The following ELMO1 variants were observed in gnomAD, a reference collection of about 807,000 sequenced individuals.
ELMO1 encodes engulfment and cell motility protein 1.
Under a neutral mutation model 98.9 loss-of-function variants are expected in ELMO1, and 26 were observed. That is an observed-to-expected ratio of 0.26 (90% CI 0.19 to 0.36). The LOEUF is 0.36. Among genes scored for constraint, ELMO1 ranks in the 10% least tolerant of loss-of-function variants. The pLI, the probability that ELMO1 is intolerant of heterozygous loss-of-function variation, is 1.00. For synonymous variants in ELMO1, 346 were observed against 346.0 expected (o/e 1.00, Z 0.00); for missense variants, 627 against 935.2 (o/e 0.67, Z 4.30).
At chr7:37,363,786 G>A (rs1013783712) in intron 1 of ELMO1, among the ~76,000 whole-genome samples, 3 of 152,120 alleles carry the variant, frequency 2.0e-5, no homozygotes, top group East Asian at 1.9e-4. Flanking sequence ...CAGAAATCAC[G>A]TGACCATAAG....
intron 14 of ELMO1, among the ~76,000 whole-genome samples, chr7:37,099,431 C>T (rs74650544): frequency 0.015 from 2,243 of 152,266 alleles, 73 homozygotes; most frequent in African/African-American, 0.051. Context: ...CCATGTCCAT[C>T]GGAGACATTT....
rs200358495 is a variant in ELMO1, at chr7:37,295,814, AG to A, written c.192+19035del. On this transcript the variant is annotated intron_variant, in intron 4 of 21. Coordinates refer to ENST00000310758, the MANE Select transcript of ELMO1 (RefSeq NM_014800.11). Reference sequence around the variant, plus strand: ...AGGTTTGTCAATGTATATTTTATTAAGGTAATAGGCAGGAATAATAAGACTT... The same window carrying A: ...AGGTTTGTCAATGTATATTTTATTAAGTAATAGGCAGGAATAATAAGACTT... 7.2e-5 allele frequency among the ~76,000 whole-genome samples: 11 copies of A among 152,320 alleles called. No individual in the cohort carries two copies. In the East Asian group the frequency reaches 2.1e-3, roughly 29 times the overall value.
At chr7:37,136,788 T>C (rs1452172739) in intron 13 of ELMO1, among the ~76,000 whole-genome samples, 2 of 150,764 alleles carry the variant, frequency 1.3e-5, no homozygotes, top group African/African-American at 2.4e-5. Flanking sequence ...TTAAAGCATA[T>C]ATCTCAGAGG....
chr7:37,353,841 G>A (rs942569472), intron 1 of ELMO1, among the ~76,000 whole-genome samples: 2 of 152,136 alleles, frequency 1.3e-5, no homozygotes, highest in East Asian at 1.9e-4. Context: ...ATCCTTTAGC[G>A]AGACACAAAA....
chr7:36,855,487 C>T lies in ELMO1; in HGVS notation c.*64G>A, dbSNP rs1186553836. 1.9e-6 allele frequency: 3 copies of T among 1,601,662 alleles called. No homozygotes were observed. The highest frequency in any genetic ancestry group is 2.6e-6 in the Non-Finnish European group (3 of 1,171,082). The stretch of plus-strand genomic sequence containing the variant: ...CGGTTCCAAGGCGTGGGTGTGTTTT[C>T]ATTCCTCTCTCCTGTTAGCTAGGTG... On this transcript the variant is annotated 3_prime_UTR_variant, in exon 22 of 22. Coordinates refer to ENST00000310758, the MANE Select transcript of ELMO1 (RefSeq NM_014800.11). This position sits in a 1 kb window ranked among gnomAD's most constrained non-coding sequence, Gnocchi z 4.2.
chr7:37,037,539 C>T (rs1243261400), intron 15 of ELMO1, among the ~76,000 whole-genome samples: 2 of 152,170 alleles, frequency 1.3e-5, no homozygotes. Flanking sequence ...CATCGGAAGG[C>T]CTGAGCACAC....
Position 37,155,138 on chromosome 7 carries a change from T to A in ELMO1, c.1087-21904A>T, listed in dbSNP as rs566032132. Reference sequence around the variant, plus strand: ...GATTTTGTCACCACCAGGCCTGCCTTACAAGAGCTCCTAAAGGAAGCACTA... The same window carrying A: ...GATTTTGTCACCACCAGGCCTGCCTAACAAGAGCTCCTAAAGGAAGCACTA... On this transcript the variant is annotated intron_variant, in intron 13 of 21. Coordinates refer to ENST00000310758, the MANE Select transcript of ELMO1 (RefSeq NM_014800.11). 1.9e-3 allele frequency among the ~76,000 whole-genome samples: 287 copies of A among 152,308 alleles called. 2 individuals are homozygous for A. The highest frequency in any genetic ancestry group is 6.7e-3 in the African/African-American group (278 of 41,562).
At chr7:37,363,324 C>A (rs1053544446) in intron 1 of ELMO1, among the ~76,000 whole-genome samples, 1 of 152,160 alleles carries the variant, frequency 6.6e-6, no homozygotes, top group Admixed American at 6.5e-5. Context: ...CTCTACATAG[C>A]CACCAAAGTC....
intron 2 of ELMO1, among the ~76,000 whole-genome samples, chr7:37,316,988 C>T (rs755393349): frequency 4.6e-5 from 7 of 152,080 alleles, no homozygotes; most frequent in Non-Finnish European, 1.0e-4. Flanking sequence ...ATTTGCTGAA[C>T]CCCAGTTAGT....
At chr7:37,323,128 C>T (rs1174641868) in intron 2 of ELMO1, among the ~76,000 whole-genome samples, 1 of 152,166 alleles carries the variant, frequency 6.6e-6, no homozygotes, top group African/African-American at 2.4e-5. Context: ...AGTCTTTCTT[C>T]ACTTTATAGT....
At chr7:37,205,988 G>T (rs1446739518) in intron 13 of ELMO1, among the ~76,000 whole-genome samples, 2 of 152,098 alleles carry the variant, frequency 1.3e-5, no homozygotes, top group Non-Finnish European at 2.9e-5. Flanking sequence ...ATGACCTGCA[G>T]TTTCCCAAGC....
Position 37,161,909 on chromosome 7 carries a change from T to A in ELMO1, c.1087-28675A>T, listed in dbSNP as rs368130265. ...TAGAAAGCCTTCAGGTAATCAAATATATATATATATATATATATATATATA... is the reference window on the plus strand; with the variant it reads ...TAGAAAGCCTTCAGGTAATCAAATAAATATATATATATATATATATATATA... On this transcript the variant is annotated intron_variant, in intron 13 of 21. Coordinates refer to ENST00000310758, the MANE Select transcript of ELMO1 (RefSeq NM_014800.11). Among the ~76,000 whole-genome samples, 34 of 73,810 alleles carry A rather than the reference T, an allele frequency of 4.6e-4. 1 individual carries two copies. Among genetic ancestry groups the A allele is most frequent in the African/African-American group, 1.1e-3 (28 of 25,288 alleles). The allele number at this position is 73,810 out of a possible 152,430, so 48.4% of individuals were successfully genotyped here. A position where few individuals can be genotyped will look rare whatever the true frequency, so the allele number is the denominator to read the frequency against.
chr7:37,192,497 CA>C lies in ELMO1; in HGVS notation c.1086+18888del, dbSNP rs535794727. 6.3e-3 allele frequency among the ~76,000 whole-genome samples: 656 copies of C among 104,396 alleles called. 8 individuals are homozygous for C. The highest frequency in any genetic ancestry group is 0.023 in the African/African-American group (591 of 25,876). 68.5% of individuals were successfully genotyped at this position (104,396 alleles called of 152,430 possible). A position where few individuals can be genotyped will look rare whatever the true frequency, so the allele number is the denominator to read the frequency against. The stretch of plus-strand genomic sequence containing the variant: ...CTGGCAACAGAGCAAGACTCCATCT[CA>C]AAAAAAAAAAAAAAAACTGGGCCGG... On this transcript the variant is annotated intron_variant, in intron 13 of 21. Coordinates refer to ENST00000310758, the MANE Select transcript of ELMO1 (RefSeq NM_014800.11).
intron 6 of ELMO1, among the ~76,000 whole-genome samples, chr7:37,248,413 A>G (rs1795139584): frequency 6.6e-6 from 1 of 152,112 alleles, no homozygotes; most frequent in Non-Finnish European, 1.5e-5. Context: ...TGAAGGACAA[A>G]GACGCACAGA....
intron 17 of ELMO1, 68 bp from the exon 18 acceptor site, chr7:36,887,740 T>C (rs1805157260): frequency 2.1e-6 from 3 of 1,421,588 alleles, no homozygotes; most frequent in South Asian, 1.2e-5. Context: ...GTGGGCATCA[T>C]GGGCATACGG....
At chr7:36,900,617 A>C (rs1443206371) in intron 16 of ELMO1, among the ~76,000 whole-genome samples, 1 of 152,198 alleles carries the variant, frequency 6.6e-6, no homozygotes, top group African/African-American at 2.4e-5. Context: ...ATAGATCTAC[A>C]GCCAAGTGGA....
chr7:36,901,922 G>T (rs775840747), intron 16 of ELMO1, among the ~76,000 whole-genome samples: 6 of 152,120 alleles, frequency 3.9e-5, no homozygotes, highest in Admixed American at 3.3e-4. Flanking sequence ...GAACAGAATC[G>T]GTTCCGACAG....
At chr7:37,014,199 C>T (rs1242127631) in intron 15 of ELMO1, among the ~76,000 whole-genome samples, 1 of 152,098 alleles carries the variant, frequency 6.6e-6, no homozygotes, top group Non-Finnish European at 1.5e-5. Context: ...CAGCCCCTCC[C>T]ATCATCCCAT....
In ELMO1 at chr7:37,342,856, TG is replaced by T. The variant is rs1021765332; in HGVS notation, c.-73-94del. 1.9e-5 allele frequency: 12 copies of T among 629,576 alleles called. No individual in the cohort carries two copies. In the African/African-American group the frequency reaches 1.9e-4, roughly 10 times the overall value. The allele number at this position is 629,576 out of a possible 1,614,324, so 39.0% of individuals were successfully genotyped here. The stretch of plus-strand genomic sequence containing the variant: ...TCACTTCCTGTTTTCACTGGTGGTT[TG>T]GTATGAAAAACGGCTCCCCTTGGTG... On this transcript the variant is annotated intron_variant, in intron 1 of 21. Transcript: ENST00000310758. The surrounding 1 kb of genome is among the most constrained non-coding windows in gnomAD (Gnocchi z 4.3).
Sources: gnomAD v4.1 joint callset for allele counts (sites outside exome capture counted in the v4.1 genomes callset) on GRCh38, gnomAD v4.1.1 for gene constraint, Gnocchi (gnomAD v3.1) non-coding constraint, MANE v1.5 for transcripts, NCBI Gene and HGNC (gene_info 2026-07-23, HGNC 2026-07-21) for gene names.